ARHGAP24: variants seen among roughly 807,000 people sequenced by gnomAD.
The protein encoded by ARHGAP24 is Rho GTPase activating protein 24.
ARHGAP24 carries 50 observed loss-of-function variants against 76.4 expected under a neutral mutation model. The ratio of observed to expected loss-of-function variants is 0.65; its 90% CI spans 0.52 to 0.83. ARHGAP24 has a LOEUF of 0.83. ARHGAP24 is among the 40% of genes least tolerant of loss of function. The pLI is 0.00. For synonymous variants in ARHGAP24, 345 were observed against 323.3 expected (o/e 1.07, Z -0.72); for missense variants, 930 against 914.2 (o/e 1.02, Z -0.22).
At chr4:85,748,985 C>T (rs1348195983) in intron 3 of ARHGAP24, among the ~76,000 whole-genome samples, 2 of 152,188 alleles carry the variant, frequency 1.3e-5, no homozygotes, top group Non-Finnish European at 2.9e-5. Flanking sequence ...CGGTCACCAA[C>T]AACTCTAAAG....
intron 3 of ARHGAP24, among the ~76,000 whole-genome samples, chr4:85,908,857 A>C (rs1297829442): frequency 6.6e-6 from 1 of 152,110 alleles, no homozygotes; most frequent in Non-Finnish European, 1.5e-5. Flanking sequence ...CAGATAATTA[A>C]AAAGAAAAAA....
rs138094722 is a variant in ARHGAP24 at position 85,783,471 on chromosome 4, T to A, written c.268+61499T>A. 6.1e-3 allele frequency among the ~76,000 whole-genome samples: 865 copies of A among 142,540 alleles called. 6 individuals are homozygous for A. Among genetic ancestry groups the A allele is most frequent in the African/African-American group, 0.022 (820 of 37,688 alleles). The allele number at this position is 142,540 out of a possible 152,430, so 93.5% of individuals were successfully genotyped here. A position where few individuals can be genotyped will look rare whatever the true frequency, so the allele number is the denominator to read the frequency against. ...TTGGAAATTAGTGAGTCCTGATCAC[T>A]TTTTTTTTTTTAAGAGTAGGAGAAC... On this transcript the variant is annotated intron_variant, in intron 3 of 9. Coordinates refer to ENST00000395184, the MANE Select transcript of ARHGAP24 (RefSeq NM_001025616.3).
intron 2 of ARHGAP24, among the ~76,000 whole-genome samples, chr4:85,636,076 G>A (rs368855352): frequency 1.1e-3 from 160 of 151,644 alleles, no homozygotes; most frequent in African/African-American, 3.6e-3. Context: ...TTTCCTTTAA[G>A]TAGATTCTGT....
At chr4:85,819,631 T>C (rs938388878) in intron 3 of ARHGAP24, among the ~76,000 whole-genome samples, 3 of 152,146 alleles carry the variant, frequency 2.0e-5, no homozygotes, top group African/African-American at 4.8e-5. Flanking sequence ...TTTTGAAAAA[T>C]AGACTGGCCA....
chr4:85,654,668 C>A (rs925382573), intron 2 of ARHGAP24, among the ~76,000 whole-genome samples: 9 of 152,078 alleles, frequency 5.9e-5, no homozygotes, highest in African/African-American at 1.2e-4. Flanking sequence ...AATTGAAAAT[C>A]TGAGACTATT....
At chr4:85,798,625 A>G (rs2110102140) in intron 3 of ARHGAP24, among the ~76,000 whole-genome samples, 1 of 152,312 alleles carries the variant, frequency 6.6e-6, no homozygotes, top group East Asian at 1.9e-4. Context: ...GGTTTTGCTC[A>G]TTTTACTATA....
intron 3 of ARHGAP24, among the ~76,000 whole-genome samples, chr4:85,860,614 C>T (rs1437093625): frequency 6.6e-6 from 1 of 151,930 alleles, no homozygotes; most frequent in Non-Finnish European, 1.5e-5. Flanking sequence ...ACTGAAATTC[C>T]TGAGGATGGG....
At position 85,784,920 on chromosome 4, in the gene ARHGAP24, T is replaced by TATCTATC. The variant is rs1374423016; in HGVS notation, c.268+62949_268+62955dup. The stretch of plus-strand genomic sequence containing the variant: ...GATTATATATCTCTATCTATCTATC[T>TATCTATC]ATCTATCTATCTATCTATCTATCTA... On this transcript the variant is annotated intron_variant, in intron 3 of 9. Transcript: ENST00000395184. Among the ~76,000 whole-genome samples, 62 of 119,432 alleles carry TATCTATC rather than the reference T, an allele frequency of 5.2e-4. 1 individual carries two copies. The highest frequency in any genetic ancestry group is 1.8e-3 in the African/African-American group (60 of 32,972). 78.4% of individuals were successfully genotyped at this position (119,432 alleles called of 152,430 possible).
At chr4:85,726,514 C>G (rs1578175632) in intron 3 of ARHGAP24, among the ~76,000 whole-genome samples, 1 of 152,120 alleles carries the variant, frequency 6.6e-6, no homozygotes, top group East Asian at 1.9e-4. Context: ...TTGCTTCAAA[C>G]TGAGGGGCTG....
chr4:85,709,766 G>A (rs1279476194), intron 2 of ARHGAP24, among the ~76,000 whole-genome samples: 1 of 152,004 alleles, frequency 6.6e-6, no homozygotes, highest in African/African-American at 2.4e-5. Context: ...AGGAACACAT[G>A]CCTATTCACA....
chr4:85,497,876 C>T (rs1723641661), intron 1 of ARHGAP24, among the ~76,000 whole-genome samples: 3 of 152,150 alleles, frequency 2.0e-5, no homozygotes, highest in South Asian at 2.1e-4. Flanking sequence ...ATGTCCCTAA[C>T]TTTTTAGTTT....
intron 1 of ARHGAP24, among the ~76,000 whole-genome samples, chr4:85,493,481 C>T (rs749598776): frequency 6.6e-6 from 1 of 152,164 alleles, no homozygotes; most frequent in Non-Finnish European, 1.5e-5. Context: ...AGTATGGACT[C>T]GTGGGTATCT....
At chr4:85,598,862 A>G (rs1719935042) in intron 2 of ARHGAP24, among the ~76,000 whole-genome samples, 2 of 151,424 alleles carry the variant, frequency 1.3e-5, no homozygotes, top group South Asian at 4.1e-4. Context: ...TGAGCCCTAT[A>G]TTAAATTTCC....
At chr4:85,766,289 A>G (rs573079239) in intron 3 of ARHGAP24, among the ~76,000 whole-genome samples, 1 of 152,270 alleles carries the variant, frequency 6.6e-6, no homozygotes, top group East Asian at 1.9e-4. Context: ...CAATCATAAC[A>G]ATATTAAAAG....
intron 3 of ARHGAP24, among the ~76,000 whole-genome samples, chr4:85,810,082 C>G (rs540820886): frequency 6.6e-6 from 1 of 152,288 alleles, no homozygotes; most frequent in Admixed American, 6.5e-5. Flanking sequence ...AAAATGTATT[C>G]AAAGTCCTCA....
At chr4:85,718,958 A>G (rs1392768775) in intron 2 of ARHGAP24, among the ~76,000 whole-genome samples, 2 of 152,172 alleles carry the variant, frequency 1.3e-5, no homozygotes, top group Non-Finnish European at 2.9e-5. Flanking sequence ...TGTACAATTC[A>G]AGATCTTAAG....
intron 4 of ARHGAP24, chr4:85,930,353 G>A (rs911192824): frequency 2.0e-6 from 2 of 986,244 alleles, no homozygotes; most frequent in African/African-American, 1.8e-5. Flanking sequence ...AGAAGCAGGG[G>A]GGTCCTTTGA....
At chr4:85,591,313 T>C (rs1728097839) in intron 2 of ARHGAP24, among the ~76,000 whole-genome samples, 1 of 152,180 alleles carries the variant, frequency 6.6e-6, no homozygotes. Flanking sequence ...CCCAAAGTGC[T>C]GGGATTACAG....
At chr4:85,785,535 A>G (rs1027732677) in intron 3 of ARHGAP24, among the ~76,000 whole-genome samples, 1 of 34,560 alleles carries the variant, frequency 2.9e-5, no homozygotes, top group African/African-American at 6.8e-5. Context: ...AGAAAAGTAA[A>G]ACAGATTTTT....
Sources: allele counts gnomAD v4.1 joint callset (sites outside exome capture counted in the v4.1 genomes callset), GRCh38; gene constraint gnomAD v4.1.1; transcripts MANE v1.5; gene names NCBI Gene and HGNC (gene_info 2026-07-23, HGNC 2026-07-21).